GRIN2B: variants seen among roughly 807,000 people sequenced by gnomAD.
GRIN2B encodes glutamate ionotropic receptor NMDA type subunit 2B, also known as glutamate receptor ionotropic, NMDA 2B.
In GRIN2B, 5 loss-of-function variants were observed where a neutral mutation model predicts 114.5. The observed-to-expected ratio is 0.04, with a 90% CI of 0.02 to 0.09. The LOEUF is 0.09. Ranked by LOEUF, GRIN2B falls within the 10% of genes least tolerant of loss-of-function variation. The probability of loss-of-function intolerance (pLI) is 1.00; values close to 1 mark genes in which losing one functional copy is unlikely to be tolerated. For synonymous variants in GRIN2B, 787 were observed against 745.1 expected (o/e 1.06, Z -0.92); for missense variants, 1,108 against 1,943.5 (o/e 0.57, Z 8.08).
chr12:13,782,144 T>A (rs74065300), intron 3 of GRIN2B, among the ~76,000 whole-genome samples: 2,442 of 152,246 alleles, frequency 0.016, 70 homozygotes, highest in African/African-American at 0.056. Flanking sequence ...TTCAAGTTGA[T>A]GTTATAGGCT....
At chr12:13,705,804 C>T (rs1000768409) in intron 4 of GRIN2B, among the ~76,000 whole-genome samples, 22 of 152,118 alleles carry the variant, frequency 1.4e-4, no homozygotes, top group Admixed American at 3.9e-4. Flanking sequence ...TTAAAATAAA[C>T]CCTTTGATGA....
intron 5 of GRIN2B, among the ~76,000 whole-genome samples, chr12:13,661,348 C>G (rs1400670435): frequency 6.6e-6 from 1 of 152,194 alleles, no homozygotes; most frequent in African/African-American, 2.4e-5. Flanking sequence ...GTCTGACAAA[C>G]AGAAAACCCC....
chr12:13,957,342 T>C (rs1231075269), intron 2 of GRIN2B, among the ~76,000 whole-genome samples: 1 of 152,084 alleles, frequency 6.6e-6, no homozygotes, highest in Admixed American at 6.5e-5. Context: ...TACATGTGTA[T>C]GGGTACACAC....
intron 2 of GRIN2B, among the ~76,000 whole-genome samples, chr12:13,897,887 C>T (rs1320969434): frequency 6.6e-6 from 1 of 151,660 alleles, no homozygotes; most frequent in Non-Finnish European, 1.5e-5. Context: ...AATTTTATAT[C>T]CTGGGCCCAG....
intron 2 of GRIN2B, among the ~76,000 whole-genome samples, chr12:13,867,613 C>A (rs1865848033): frequency 6.6e-6 from 1 of 152,074 alleles, no homozygotes; most frequent in African/African-American, 2.4e-5. Context: ...TTAGACATTT[C>A]CTCATATATA....
intron 3 of GRIN2B, among the ~76,000 whole-genome samples, chr12:13,766,107 T>G (rs1863780822): frequency 6.6e-6 from 1 of 152,226 alleles, no homozygotes; most frequent in South Asian, 2.1e-4. Flanking sequence ...CTACTGGACA[T>G]GCATACAACT....
At chr12:13,634,027 T>C (rs1450746679) in intron 5 of GRIN2B, 1 of 152,200 alleles carries the variant, frequency 6.6e-6, no homozygotes, top group Non-Finnish European at 1.5e-5. Flanking sequence ...TGAGCTGCTA[T>C]ACATACATAA....
intron 5 of GRIN2B, among the ~76,000 whole-genome samples, chr12:13,652,813 A>T (rs1038867136): frequency 2.6e-5 from 4 of 152,180 alleles, no homozygotes; most frequent in African/African-American, 9.6e-5. Context: ...GAGAATTACT[A>T]AAAAGGCTGA....
chr12:13,720,720 T>C (rs1445443215), intron 4 of GRIN2B, among the ~76,000 whole-genome samples: 1 of 152,016 alleles, frequency 6.6e-6, no homozygotes, highest in African/African-American at 2.4e-5. Flanking sequence ...AACTTCTATA[T>C]AGAAAGAGCC....
intron 10 of GRIN2B, among the ~76,000 whole-genome samples, chr12:13,592,225 C>G (rs918223532): frequency 6.6e-6 from 1 of 152,094 alleles, no homozygotes; most frequent in African/African-American, 2.4e-5. Context: ...AAGAGGCCCT[C>G]GCTGGCAGGA....
At chr12:13,844,077 G>A (rs1251550437) in intron 3 of GRIN2B, among the ~76,000 whole-genome samples, 2 of 152,186 alleles carry the variant, frequency 1.3e-5, no homozygotes, top group Admixed American at 1.3e-4. Flanking sequence ...GTTAATGAAG[G>A]GAAACCATCC....
At chr12:13,819,663 G>A (rs1418566173) in intron 3 of GRIN2B, among the ~76,000 whole-genome samples, 1 of 152,110 alleles carries the variant, frequency 6.6e-6, no homozygotes, top group African/African-American at 2.4e-5. Flanking sequence ...AAAAATATGA[G>A]CACTTTTAAG....
intron 3 of GRIN2B, among the ~76,000 whole-genome samples, chr12:13,765,823 A>G (rs74324429): frequency 9.6e-4 from 146 of 152,294 alleles, no homozygotes; most frequent in African/African-American, 3.3e-3. Context: ...GAACCTGTGT[A>G]GATCTGGCTC....
intron 3 of GRIN2B, among the ~76,000 whole-genome samples, chr12:13,799,140 T>C (rs1211740681): frequency 6.6e-6 from 1 of 152,116 alleles, no homozygotes; most frequent in African/African-American, 2.4e-5. Context: ...TCTGAGGCCT[T>C]TATTTTGTGG....
chr12:13,683,089 G>A (rs190256083), intron 4 of GRIN2B, among the ~76,000 whole-genome samples: 1 of 152,204 alleles, frequency 6.6e-6, no homozygotes, highest in Admixed American at 6.5e-5. Context: ...GGGTCAATGT[G>A]GCAGGCCATG....
At chr12:13,943,654 C>T (rs560810346) in intron 2 of GRIN2B, among the ~76,000 whole-genome samples, 2 of 152,130 alleles carry the variant, frequency 1.3e-5, no homozygotes, top group African/African-American at 2.4e-5. Flanking sequence ...GTTTCCTCAG[C>T]CTGGGACGCT....
At chr12:13,942,964 T>C (rs759645271) in intron 2 of GRIN2B, among the ~76,000 whole-genome samples, 1 of 151,968 alleles carries the variant, frequency 6.6e-6, no homozygotes, top group Non-Finnish European at 1.5e-5. Context: ...ACCCCTCTGG[T>C]CCCTCAGAGG....
intron 5 of GRIN2B, among the ~76,000 whole-genome samples, chr12:13,667,172 C>A (rs187868770): frequency 2.6e-5 from 4 of 152,216 alleles, no homozygotes; most frequent in Admixed American, 2.0e-4. Flanking sequence ...ATGAAAAATG[C>A]AGACAGACAT....
intron 2 of GRIN2B, among the ~76,000 whole-genome samples, chr12:13,949,499 G>A (rs219924): frequency 0.95 from 143,802 of 152,148 alleles, 68,155 homozygotes; most frequent in East Asian, 1. Flanking sequence ...TTTAAGTGTG[G>A]AAGCTGCCGT....
Sources: allele counts gnomAD v4.1 joint callset (sites outside exome capture counted in the v4.1 genomes callset), GRCh38; gene constraint gnomAD v4.1.1; transcripts MANE v1.5; gene names NCBI Gene and HGNC (gene_info 2026-07-23, HGNC 2026-07-21).